Variants in TUSC3 observed in about 807,000 individuals in gnomAD.
The protein encoded by TUSC3 is dolichyl-diphosphooligosaccharide--protein glycosyltransferase subunit TUSC3.
Under a neutral mutation model 44.8 loss-of-function variants are expected in TUSC3, and 45 were observed. The observed-to-expected ratio is 1.00, with a 90% CI of 0.79 to 1.29. The LOEUF (loss-of-function observed/expected upper bound fraction) is 1.29, where lower values mean the gene tolerates loss of function less well. Among genes scored for constraint, TUSC3 ranks in the 50% most tolerant of loss-of-function variants. The pLI, the probability that TUSC3 is intolerant of heterozygous loss-of-function variation, is 0.00. For synonymous variants in TUSC3, 212 were observed against 152.9 expected (o/e 1.39, Z -2.85); for missense variants, 519 against 437.9 (o/e 1.19, Z -1.65).
intron 10 of TUSC3, among the ~76,000 whole-genome samples, chr8:15,761,286 C>G (rs1010222745): frequency 6.6e-6 from 1 of 152,138 alleles, no homozygotes; most frequent in Admixed American, 6.6e-5. Flanking sequence ...GAGGAGAGAG[C>G]CAGCCTTAAG....
intron 1 of TUSC3, among the ~76,000 whole-genome samples, chr8:15,619,085 C>T (rs185110404): frequency 6.6e-6 from 1 of 152,136 alleles, no homozygotes; most frequent in Admixed American, 6.5e-5. Context: ...TAGTTTGATA[C>T]TTAAAATTCA....
At position 15,448,671 on chromosome 8, in the gene TUSC3, C is replaced by T. The variant is rs539479516; in HGVS notation, n.91+31366C>T. On this transcript the variant is annotated intron_variant and non_coding_transcript_variant, in intron 1 of 5. Transcript: ENST00000503191. Reference sequence around the variant, plus strand: ...AGGATTGGCTAAATAAATAATGTGTCTAACACGTAAATTATTAGACAAGTG... The same window carrying T: ...AGGATTGGCTAAATAAATAATGTGTTTAACACGTAAATTATTAGACAAGTG... 2.6e-5 allele frequency among the ~76,000 whole-genome samples: 4 copies of T among 152,196 alleles called. No homozygotes were observed. The East Asian group carries it at 5.8e-4, about 22-fold the overall frequency.
At chr8:15,451,381 C>T (rs1387389568) in intron 1 of TUSC3, among the ~76,000 whole-genome samples, 1 of 152,060 alleles carries the variant, frequency 6.6e-6, no homozygotes, top group Non-Finnish European at 1.5e-5. Flanking sequence ...AACTTTCAGC[C>T]CCCTGACCTT....
chr8:15,661,811 T>C (rs1217131430), intron 4 of TUSC3, among the ~76,000 whole-genome samples: 1 of 151,974 alleles, frequency 6.6e-6, no homozygotes. Context: ...TCTATATATA[T>C]ATATATACAT....
chr8:15,619,582 C>T (rs1805150568), intron 1 of TUSC3, among the ~76,000 whole-genome samples: 1 of 152,008 alleles, frequency 6.6e-6, no homozygotes, highest in Non-Finnish European at 1.5e-5. Context: ...AGCTCCACTT[C>T]CTGGGTTCAC....
chr8:15,727,728 C>T (rs1279995701), intron 6 of TUSC3, among the ~76,000 whole-genome samples: 2 of 152,182 alleles, frequency 1.3e-5, no homozygotes, highest in Non-Finnish European at 2.9e-5. Flanking sequence ...GAAACAGCTT[C>T]TCGGCCTTTT....
At chr8:15,583,743 A>G (rs2129147788) in intron 1 of TUSC3, among the ~76,000 whole-genome samples, 1 of 152,332 alleles carries the variant, frequency 6.6e-6, no homozygotes, top group East Asian at 1.9e-4. Flanking sequence ...GGTTTAATTA[A>G]ATTTAATTAA....
chr8:15,434,590 T>A (rs1799920882), intron 1 of TUSC3, among the ~76,000 whole-genome samples: 1 of 151,400 alleles, frequency 6.6e-6, no homozygotes, highest in Non-Finnish European at 1.5e-5. Context: ...TGGTGGTTTG[T>A]TACATATGTA....
the TUSC3 span, among the ~76,000 whole-genome samples, chr8:15,796,094 G>T: frequency 6.6e-6 from 1 of 152,144 alleles, no homozygotes; most frequent in Admixed American, 6.5e-5. Context: ...CCCAGGTCTG[G>T]CTTGCATGGT....
chr8:15,742,103 G>C (rs148558166), intron 7 of TUSC3, among the ~76,000 whole-genome samples: 135 of 152,270 alleles, frequency 8.9e-4, no homozygotes, highest in African/African-American at 3.2e-3. Flanking sequence ...CATTCTCTTA[G>C]AATATTCTTT....
chr8:15,596,943 A>G (rs75599082), intron 1 of TUSC3, among the ~76,000 whole-genome samples: 3,896 of 152,272 alleles, frequency 0.026, 178 homozygotes, highest in African/African-American at 0.088. Flanking sequence ...AGCAGGTGAC[A>G]AGGTTAATAG....
At chr8:15,643,302 A>G (rs996166058) in intron 2 of TUSC3, among the ~76,000 whole-genome samples, 12 of 152,350 alleles carry the variant, frequency 7.9e-5, no homozygotes, top group Admixed American at 2.0e-4. Context: ...GGACTAATAC[A>G]GTAAGAAAAC....
At chr8:15,741,841 A>C (rs1811212620) in intron 7 of TUSC3, among the ~76,000 whole-genome samples, 1 of 152,238 alleles carries the variant, frequency 6.6e-6, no homozygotes, top group African/African-American at 2.4e-5. Flanking sequence ...GGGGAAACTT[A>C]GTAACTCCTT....
the TUSC3 span, among the ~76,000 whole-genome samples, chr8:15,835,854 A>AAAC: frequency 1.0e-5 from 1 of 96,112 alleles, no homozygotes; most frequent in Non-Finnish European, 3.0e-5. Context: ...TCATGGACTG[A>AAAC]AAGAATTATA....
At chr8:15,470,693 A>G (rs761482067) in intron 1 of TUSC3, among the ~76,000 whole-genome samples, 2 of 152,072 alleles carry the variant, frequency 1.3e-5, no homozygotes, top group African/African-American at 2.4e-5. Flanking sequence ...AGATGAGAAA[A>G]ACAATCCCTT....
the TUSC3 span, among the ~76,000 whole-genome samples, chr8:15,782,888 C>CAA: frequency 1.3e-5 from 2 of 151,920 alleles, no homozygotes; most frequent in African/African-American, 2.4e-5. Flanking sequence ...AGTAATGAGT[C>CAA]AAAATAAACA....
intron 1 of TUSC3, among the ~76,000 whole-genome samples, chr8:15,548,169 C>A (rs1801938994): frequency 6.6e-6 from 1 of 151,278 alleles, no homozygotes; most frequent in African/African-American, 2.4e-5. Flanking sequence ...TTATAGCAGC[C>A]CAAACGAACG....
chr8:15,581,618 G>C (rs1376634497), intron 1 of TUSC3, among the ~76,000 whole-genome samples: 16 of 149,972 alleles, frequency 1.1e-4, no homozygotes, highest in Admixed American at 6.0e-4. Context: ...GTGCCTCCCA[G>C]TTAGGCTGCT....
At chr8:15,489,602 T>G (rs1800778972) in intron 2 of TUSC3, among the ~76,000 whole-genome samples, 2 of 152,180 alleles carry the variant, frequency 1.3e-5, no homozygotes, top group Non-Finnish European at 2.9e-5. Flanking sequence ...TTTCATTTCT[T>G]TCAGGATCTG....
Sources: allele counts gnomAD v4.1 joint callset (sites outside exome capture counted in the v4.1 genomes callset), GRCh38; gene constraint gnomAD v4.1.1; transcripts MANE v1.5; gene names NCBI Gene and HGNC (gene_info 2026-07-23, HGNC 2026-07-21).